The following PUDP variants were observed in gnomAD, a reference collection of about 807,000 sequenced individuals.
PUDP encodes pseudouridine-5'-phosphatase.
Under a neutral mutation model 9.4 loss-of-function variants are expected in PUDP, and 8 were observed. That is an observed-to-expected ratio of 0.85 (90% CI 0.50 to 1.53). The LOEUF is 1.53. PUDP is among the 40% of genes most tolerant of loss of function. PUDP has a pLI of 0.00. For missense variants in PUDP, 188 were observed against 189.7 expected (o/e 0.99, Z 0.05); for synonymous variants, 99 against 80.7 (o/e 1.23, Z -1.22).
At chrX:6,793,511 T>G (rs1024067728) in intron 3 of PUDP, among the ~76,000 whole-genome samples, 3 of 112,209 alleles carry the variant, frequency 2.7e-5, no homozygotes, top group African/African-American at 9.7e-5. Context: ...GCAGGAGTCA[T>G]GATGGAATGC....
At chrX:6,739,089 TGTTCTTTTCCTTCCTGA>T (rs1924906922) in intron 3 of PUDP, among the ~76,000 whole-genome samples, 1 of 111,751 alleles carries the variant, frequency 8.9e-6, no homozygotes, top group South Asian at 3.8e-4. Context: ...ACTATTTGCA[TGTTCTTTTCCTTCCTGA>T]ATTGTGTTTG....
chrX:6,837,905 TAAGTA>T, intron 3 of PUDP, among the ~76,000 whole-genome samples: 1 of 97,648 alleles, frequency 1.0e-5, no homozygotes, highest in South Asian at 4.6e-4. Flanking sequence ...AAAAAAAAAA[TAAGTA>T]AATAACTCAA....
intron 3 of PUDP, among the ~76,000 whole-genome samples, chrX:6,807,332 C>A (rs1926067146): frequency 8.9e-6 from 1 of 111,823 alleles, no homozygotes; most frequent in Non-Finnish European, 1.9e-5. Context: ...CTTTCTCAGG[C>A]ATTAGGTAGC....
In PUDP at chrX:6,855,164, C is replaced by T. The variant is rs770118670; in HGVS notation, c.*247+121969G>A. Among the ~76,000 whole-genome samples the T allele has an allele frequency of 2.1e-4, 23 of 109,935 alleles. 1 individual carries two copies. The South Asian group carries it at 9.2e-3, about 44-fold the overall frequency. On this transcript the variant is annotated intron_variant and NMD_transcript_variant, in intron 3 of 3. Coordinates refer to the PUDP transcript ENST00000655425. ...AAAGTGAGAATAAGGAGGATGAACACCTTTATGATGATCCACTTCCACTTA... is the reference window on the plus strand; with the variant it reads ...AAAGTGAGAATAAGGAGGATGAACATCTTTATGATGATCCACTTCCACTTA...
intron 3 of PUDP, among the ~76,000 whole-genome samples, chrX:6,808,367 G>A (rs1402197255): frequency 1.8e-5 from 2 of 111,638 alleles, no homozygotes; most frequent in African/African-American, 6.5e-5. Context: ...AAAACTTTAG[G>A]CTTCATCTCT....
intron 1 of PUDP, among the ~76,000 whole-genome samples, chrX:7,140,924 G>C (rs962829605): frequency 2.7e-5 from 3 of 111,812 alleles, no homozygotes; most frequent in Non-Finnish European, 3.8e-5. Context: ...TGTGATGAGT[G>C]ATCTTTGATG....
chrX:6,718,023 T>C (rs1924619841), intron 1 of PUDP, among the ~76,000 whole-genome samples: 1 of 111,859 alleles, frequency 8.9e-6, no homozygotes, highest in Non-Finnish European at 1.9e-5. Context: ...CGTCTTTTCA[T>C]GTCTTCTGTC....
intron 3 of PUDP, among the ~76,000 whole-genome samples, chrX:7,060,614 G>C (rs1930373944): frequency 3.6e-5 from 4 of 112,194 alleles, no homozygotes; most frequent in Admixed American, 9.4e-5. Context: ...ATCGATGAAG[G>C]TCCCGCAAAG....
intron 3 of PUDP, among the ~76,000 whole-genome samples, chrX:6,823,095 G>A (rs1007302691): frequency 9.0e-6 from 1 of 111,422 alleles, no homozygotes; most frequent in African/African-American, 3.3e-5. Context: ...AACAAAAACT[G>A]TAGCCCAGGG....
chrX:6,769,060 G>A (rs1925323658), intron 3 of PUDP, among the ~76,000 whole-genome samples: 1 of 111,754 alleles, frequency 8.9e-6, no homozygotes, highest in African/African-American at 3.3e-5. Flanking sequence ...CATAAATTAT[G>A]CTCACACTTC....
At chrX:6,751,390 A>G (rs903478663) in intron 3 of PUDP, among the ~76,000 whole-genome samples, 2 of 111,552 alleles carry the variant, frequency 1.8e-5, no homozygotes, top group Admixed American at 1.9e-4. Flanking sequence ...GGTTTTCAAT[A>G]AAGAAATCAC....
chrX:7,125,494 C>T (rs1454598239), intron 1 of PUDP, among the ~76,000 whole-genome samples: 1 of 111,355 alleles, frequency 9.0e-6, no homozygotes, highest in African/African-American at 3.3e-5. Context: ...AACTGTCCTC[C>T]ACAACATGCA....
At chrX:7,111,143 T>G (rs1237988349) in intron 1 of PUDP, among the ~76,000 whole-genome samples, 4 of 111,598 alleles carry the variant, frequency 3.6e-5, no homozygotes, top group Non-Finnish European at 7.5e-5. Flanking sequence ...TTTCTCCTGC[T>G]GCCTTGCCAT....
intron 3 of PUDP, among the ~76,000 whole-genome samples, chrX:6,732,740 A>G (rs909928647): frequency 2.7e-5 from 3 of 111,193 alleles, no homozygotes; most frequent in Non-Finnish European, 5.7e-5. Context: ...GGTTGAGACT[A>G]TAACTGGATA....
At chrX:6,778,536 T>C (rs1925504621) in intron 3 of PUDP, among the ~76,000 whole-genome samples, 2 of 112,344 alleles carry the variant, frequency 1.8e-5, no homozygotes, top group South Asian at 7.4e-4. Flanking sequence ...GACTTGGGGC[T>C]CCCTGCAAGA....
At chrX:6,868,195 C>A (rs916579686) in intron 3 of PUDP, among the ~76,000 whole-genome samples, 2 of 111,353 alleles carry the variant, frequency 1.8e-5, no homozygotes, top group Admixed American at 1.9e-4. Context: ...CATTAGTGTA[C>A]TAGAAAAATA....
At chrX:7,021,784 C>T (rs1322175076) in intron 1 of PUDP, among the ~76,000 whole-genome samples, 1 of 112,193 alleles carries the variant, frequency 8.9e-6, no homozygotes. Context: ...GTTGCATTCA[C>T]AAAATGCCTG....
chrX:6,925,955 T>C (rs1396116528), intron 3 of PUDP, among the ~76,000 whole-genome samples: 2 of 111,788 alleles, frequency 1.8e-5, no homozygotes, highest in Middle Eastern at 4.2e-3. Flanking sequence ...GGTATCTTAT[T>C]GCCACAAAGA....
intron 3 of PUDP, among the ~76,000 whole-genome samples, chrX:6,820,833 G>T (rs1377085057): frequency 3.3e-4 from 37 of 111,430 alleles, no homozygotes; most frequent in South Asian, 3.8e-4. Context: ...AGCTGTCAGT[G>T]GATGTACCAT....
Sources: gnomAD v4.1 joint callset for allele counts (sites outside exome capture counted in the v4.1 genomes callset) on GRCh38, gnomAD v4.1.1 for gene constraint, MANE v1.5 for transcripts, NCBI Gene and HGNC (gene_info 2026-07-23, HGNC 2026-07-21) for gene names.